IQCB1: variants seen among roughly 807,000 people sequenced by gnomAD.
IQCB1 encodes the protein IQ calmodulin-binding motif-containing protein 1.
In IQCB1, 56 loss-of-function variants were observed where a neutral mutation model predicts 84.4. The ratio of observed to expected loss-of-function variants is 0.66; its 90% CI spans 0.54 to 0.83. The LOEUF (loss-of-function observed/expected upper bound fraction) is 0.83, where lower values mean the gene tolerates loss of function less well. Among genes scored for constraint, IQCB1 ranks in the 40% least tolerant of loss-of-function variants. The probability of loss-of-function intolerance (pLI) is 0.00; values close to 1 mark genes in which losing one functional copy is unlikely to be tolerated. For missense variants in IQCB1, 629 were observed against 682.1 expected (o/e 0.92, Z 0.87); for synonymous variants, 210 against 234.8 (o/e 0.89, Z 0.96).
intron 10 of IQCB1, among the ~76,000 whole-genome samples, chr3:121,793,900 G>A (rs1203992338): frequency 6.6e-6 from 1 of 152,070 alleles, no homozygotes; most frequent in Non-Finnish European, 1.5e-5. Context: ...GCAAATTTGG[G>A]AACTCTTGTG....
chr3:121,831,329 C>T (rs560645229), intron 2 of IQCB1, among the ~76,000 whole-genome samples: 44 of 144,812 alleles, frequency 3.0e-4, no homozygotes, highest in Non-Finnish European at 1.6e-5. Flanking sequence ...CAAGCCATGA[C>T]GCTCGGCTAA....
chr3:121,779,881 C>A (rs1044033507), intron 13 of IQCB1, among the ~76,000 whole-genome samples: 12 of 152,142 alleles, frequency 7.9e-5, no homozygotes, highest in African/African-American at 2.7e-4. Context: ...TTCCTGAGTA[C>A]TCTTCACAAT....
chr3:121,781,760 A>G lies in IQCB1; in HGVS notation c.1393T>C (p.Tyr465His), dbSNP rs147708058. ...CTTCATACCAAATGTCTTCTGACAT[A>G]GTCATCCACTCGTTTCTTCAGTTCA... is the stretch of plus-strand genomic sequence containing the variant. ...RVELKKRVDD[Y>H]VRRHLGSPMS... Residue 465 changes from tyrosine to histidine, a missense_variant, in exon 13 of 15, where the codon TAT becomes CAT. Physicochemically the swap from Tyr to His is moderately conservative, Grantham distance 83. Transcript: ENST00000310864. 2.3e-4 allele frequency: 372 copies of G among 1,613,672 alleles called. 4 individuals carry two copies. In the East Asian group the frequency reaches 8.1e-3, roughly 35 times the overall value.
intron 10 of IQCB1, among the ~76,000 whole-genome samples, chr3:121,793,257 A>G (rs569210560): frequency 1.9e-4 from 29 of 152,348 alleles, no homozygotes; most frequent in African/African-American, 6.7e-4. Context: ...GCTGAATAAG[A>G]GTACTTAAGA....
At chr3:121,785,881 C>A (rs1948687230) in intron 12 of IQCB1, among the ~76,000 whole-genome samples, 1 of 151,292 alleles carries the variant, frequency 6.6e-6, no homozygotes, top group African/African-American at 2.4e-5. Context: ...GAAAAGGATA[C>A]TTTTAGGCTA....
chr3:121,808,355 A>C (rs992088157), intron 6 of IQCB1, among the ~76,000 whole-genome samples: 1 of 151,992 alleles, frequency 6.6e-6, no homozygotes, highest in Non-Finnish European at 1.5e-5. Context: ...TATTAGATGA[A>C]ATTTTTCTAG....
At chr3:121,833,950 CAACTCTAAGG>C (rs760858466) in intron 2 of IQCB1, 2 of 152,168 alleles carry the variant, frequency 1.3e-5, no homozygotes, top group African/African-American at 2.4e-5. Context: ...ATCATTCCAA[CAACTCTAAGG>C]AACAGATACT....
At chr3:121,788,555 T>A in intron 11 of IQCB1, 123 bp from the exon 12 acceptor site, 1 of 996,648 alleles carries the variant, frequency 1.0e-6, no homozygotes, top group Non-Finnish European at 1.5e-6. Flanking sequence ...GTTCACTAAT[T>A]TTCCCAATTC....
chr3:121,794,254 T>C (rs1000507268), intron 10 of IQCB1, among the ~76,000 whole-genome samples: 2 of 152,204 alleles, frequency 1.3e-5, no homozygotes, highest in South Asian at 4.1e-4. Flanking sequence ...CCTAGATTTG[T>C]AAATTTTCAA....
At chr3:121,788,492 A>T (rs1948827211) in intron 11 of IQCB1, 60 bp from the exon 12 acceptor site, 1 of 1,398,030 alleles carries the variant, frequency 7.2e-7, no homozygotes, top group Non-Finnish European at 1.0e-6. Flanking sequence ...TAAGTTCTGG[A>T]ATCAGGACAA....
intron 13 of IQCB1, among the ~76,000 whole-genome samples, chr3:121,775,037 T>G (rs1253012349): frequency 6.6e-6 from 1 of 152,112 alleles, no homozygotes. Context: ...GTGATTAAAT[T>G]TGTAAATGAT....
At chr3:121,831,571 A>G (rs1458544087) in intron 2 of IQCB1, among the ~76,000 whole-genome samples, 3 of 152,134 alleles carry the variant, frequency 2.0e-5, no homozygotes, top group Non-Finnish European at 4.4e-5. Flanking sequence ...TCCCTCTTGC[A>G]GGACTAAGCC....
chr3:121,775,449 G>A (rs537147632), intron 13 of IQCB1, among the ~76,000 whole-genome samples: 1 of 152,220 alleles, frequency 6.6e-6, no homozygotes, highest in East Asian at 1.9e-4. Flanking sequence ...GCAGGGAGGG[G>A]AACATCACAC....
At chr3:121,780,192 C>G (rs906979877) in intron 13 of IQCB1, among the ~76,000 whole-genome samples, 17 of 152,156 alleles carry the variant, frequency 1.1e-4, no homozygotes, top group Non-Finnish European at 2.5e-4. Flanking sequence ...CTCAAGGATT[C>G]TAAAGAGCCC....
Position 121,824,187 on chromosome 3 carries a change from C to T in IQCB1, c.393+1864G>A, listed in dbSNP as rs551732991. ...CATGGAAGACATATTCCAAGACCCC[C>T]AGTGGATGCCTGAAGGTGTGGATAG... On this transcript the variant is annotated intron_variant, in intron 5 of 14. Transcript: ENST00000310864. 7.2e-5 allele frequency among the ~76,000 whole-genome samples: 11 copies of T among 152,232 alleles called. No individual in the cohort carries two copies. The South Asian group carries it at 2.1e-3, about 29-fold the overall frequency.
At chr3:121,817,752 C>T (rs1164110924) in intron 5 of IQCB1, among the ~76,000 whole-genome samples, 1 of 152,050 alleles carries the variant, frequency 6.6e-6, no homozygotes, top group Admixed American at 6.6e-5. Context: ...GAAACCCTAA[C>T]CTCTAATGTG....
intron 10 of IQCB1, among the ~76,000 whole-genome samples, chr3:121,795,045 T>A (rs1293434193): frequency 6.6e-6 from 1 of 152,144 alleles, no homozygotes; most frequent in Admixed American, 6.5e-5. Flanking sequence ...CATAATTCAA[T>A]GAAGATATCC....
chr3:121,810,975 T>C (rs552022990), intron 5 of IQCB1, among the ~76,000 whole-genome samples: 2 of 152,284 alleles, frequency 1.3e-5, no homozygotes, highest in South Asian at 2.1e-4. Context: ...CTGAGTTAAA[T>C]TCTCTGCCAG....
chr3:121,805,973 A>C (rs968356890), intron 7 of IQCB1, among the ~76,000 whole-genome samples: 6 of 152,216 alleles, frequency 3.9e-5, no homozygotes, highest in Admixed American at 3.9e-4. Flanking sequence ...TTCAACCTGG[A>C]AACTCTCTCA....
Sources: gnomAD v4.1 joint callset for allele counts (sites outside exome capture counted in the v4.1 genomes callset) on GRCh38, gnomAD v4.1.1 for gene constraint, MANE v1.5 for transcripts, NCBI Gene and HGNC (gene_info 2026-07-23, HGNC 2026-07-21) for gene names.